SYCP1: variants seen among roughly 807,000 people sequenced by gnomAD.
SYCP1 encodes synaptonemal complex protein 1.
In SYCP1, 64 loss-of-function variants were observed where a neutral mutation model predicts 153.1. The observed-to-expected ratio is 0.42, with a 90% CI of 0.34 to 0.51. The LOEUF (loss-of-function observed/expected upper bound fraction) is 0.51, where lower values mean the gene tolerates loss of function less well. SYCP1 is among the 20% of genes least tolerant of loss of function. The pLI, the probability that SYCP1 is intolerant of heterozygous loss-of-function variation, is 0.06. For missense variants in SYCP1, 997 were observed against 1,049.0 expected, an observed-to-expected ratio of 0.95 and a Z score of 0.68; for synonymous variants, 384 against 341.8, an observed-to-expected ratio of 1.12 and a Z score of -1.36.
upstream of SYCP1, among the ~76,000 whole-genome samples, chr1:114,854,505 T>C (rs2101226506): frequency 6.6e-6 from 1 of 152,298 alleles, no homozygotes; most frequent in South Asian, 2.1e-4. Context: ...GTGGAGCTTC[T>C]CCTGACTCCC....
chr1:114,984,659 A>G, intron 29 of SYCP1, 66 bp from the exon 30 acceptor site: 1 of 1,212,810 alleles, frequency 8.2e-7, no homozygotes, highest in Non-Finnish European at 1.1e-6. Flanking sequence ...ATTATTTGTG[A>G]AACCCTTTAT....
chr1:114,982,914 C>A (rs1454114129), intron 29 of SYCP1, among the ~76,000 whole-genome samples: 1 of 152,008 alleles, frequency 6.6e-6, no homozygotes, highest in Non-Finnish European at 1.5e-5. Context: ...TGTGACTTTT[C>A]TAGACTAATT....
chr1:114,931,206 A>G (rs1039247105), intron 23 of SYCP1, among the ~76,000 whole-genome samples: 6 of 152,046 alleles, frequency 3.9e-5, no homozygotes, highest in Admixed American at 1.3e-4. Context: ...GTCAAGAGCA[A>G]TGTCTGCTCT....
intron 8 of SYCP1, 144 bp from the exon 9 acceptor site, chr1:114,874,362 G>A: frequency 2.0e-6 from 1 of 498,768 alleles, no homozygotes; most frequent in Non-Finnish European, 3.6e-6. Flanking sequence ...AACTTAAAAA[G>A]ACCCAGTAAT....
At chr1:114,961,570 G>T (rs1432529189) in intron 27 of SYCP1, among the ~76,000 whole-genome samples, 1 of 152,162 alleles carries the variant, frequency 6.6e-6, no homozygotes, top group African/African-American at 2.4e-5. Flanking sequence ...AAGAATTTAA[G>T]AATTTCCATC....
intron 23 of SYCP1, 22 bp downstream of exon 23, chr1:114,926,585 GT>G: frequency 6.4e-7 from 1 of 1,556,572 alleles, no homozygotes; most frequent in Non-Finnish European, 8.7e-7. Context: ...CTTTATTTTT[GT>G]TTTTTAAATA....
chr1:114,892,197 A>G (rs1570713276), intron 15 of SYCP1, among the ~76,000 whole-genome samples: 2 of 152,160 alleles, frequency 1.3e-5, no homozygotes, highest in South Asian at 2.1e-4. Flanking sequence ...GCCTATCTTC[A>G]GGCTTCCCAG....
At position 114,860,729 on chromosome 1, in the gene SYCP1, G is replaced by A. The variant is rs186705250; in HGVS notation, c.525-7G>A. ...TACACACAGGCAAACTCTTTCCTTT[G>A]TTTCAGGAATAATGCCACAAGGCAT... On this transcript the variant is annotated splice_polypyrimidine_tract_variant and splice_region_variant and intron_variant, in intron 7 of 31. Transcript: ENST00000369522. 1 of 1,589,600 alleles carries A rather than the reference G, an allele frequency of 6.3e-7. No individual in the cohort carries two copies. The highest frequency in any genetic ancestry group is 1.4e-5 in the African/African-American group (1 of 73,846).
rs538951235 is a variant in SYCP1 at position 114,880,397 on chromosome 1, G to T, written c.910+2195G>T. Among the ~76,000 whole-genome samples the T allele has an allele frequency of 2.6e-5, 4 of 151,992 alleles. No individual in the cohort carries two copies. The East Asian group carries it at 7.7e-4, about 29-fold the overall frequency. ...TGGGCATTTGTTGTTATCCTTTGGT[G>T]TGCCCTGTAATTTTTAAAATTAAAT... is the stretch of plus-strand genomic sequence containing the variant. On this transcript the variant is annotated intron_variant, in intron 12 of 31. Coordinates refer to ENST00000369522, the MANE Select transcript of SYCP1 (RefSeq NM_003176.4).
chr1:114,875,519 A>C (rs200577075), intron 9 of SYCP1, among the ~76,000 whole-genome samples: 82 of 152,214 alleles, frequency 5.4e-4, no homozygotes, highest in African/African-American at 2.0e-3. Flanking sequence ...TCGGCCTCCC[A>C]AAGTTCTGGG....
At chr1:114,926,687 T>A (rs948726283) in intron 23 of SYCP1, 124 bp downstream of exon 23, 1 of 789,416 alleles carries the variant, frequency 1.3e-6, no homozygotes, top group Non-Finnish European at 1.9e-6. Flanking sequence ...ATTGAAAAGT[T>A]GAAAGGTTGT....
intron 20 of SYCP1, among the ~76,000 whole-genome samples, chr1:114,920,132 T>G (rs1453956261): frequency 6.6e-6 from 1 of 152,036 alleles, no homozygotes; most frequent in East Asian, 1.9e-4. Flanking sequence ...CAAACACACC[T>G]CTTAATACTC....
intron 3 of SYCP1, 96 bp from the exon 4 acceptor site, chr1:114,857,136 C>CAAGAAAAAAAAAAAA: frequency 1.2e-5 from 3 of 242,712 alleles, no homozygotes; most frequent in South Asian, 5.2e-5. Context: ...CTCTCTCTCT[C>CAAGAAAAAAAAAAAA]AAAAAAAAAA....
chr1:114,940,167 G>T (rs1480757678), intron 23 of SYCP1, among the ~76,000 whole-genome samples: 2 of 151,926 alleles, frequency 1.3e-5, no homozygotes, highest in African/African-American at 4.8e-5. Flanking sequence ...CTGTGATCTC[G>T]GCTCACTGCA....
At chr1:114,862,766 A>G (rs1282206884) in intron 8 of SYCP1, 1 of 152,156 alleles carries the variant, frequency 6.6e-6, no homozygotes, top group African/African-American at 2.4e-5. Flanking sequence ...TTGATGTGAC[A>G]TGTAGAAAGT....
At chr1:114,857,156 A>AAAAAAAAAAG (rs774041717) in intron 3 of SYCP1, 76 bp from the exon 4 acceptor site, 106 of 921,318 alleles carry the variant, frequency 1.2e-4, no homozygotes, top group Non-Finnish European at 1.4e-4. Flanking sequence ...AAAAAAAAAA[A>AAAAAAAAAAG]AGAGAAAAAA....
intron 23 of SYCP1, among the ~76,000 whole-genome samples, chr1:114,936,412 A>T (rs917827998): frequency 6.6e-6 from 1 of 152,182 alleles, no homozygotes; most frequent in South Asian, 2.1e-4. Context: ...TCAAAATAAT[A>T]AGAGCTATTT....
At chr1:114,945,047 T>C in intron 25 of SYCP1, 65 bp downstream of exon 25, 1 of 1,148,016 alleles carries the variant, frequency 8.7e-7, no homozygotes. Flanking sequence ...TAAATAATGG[T>C]GAAATCAAGA....
rs1312684209 is a variant in SYCP1, at chr1:114,860,876, G to T, written c.598+67G>T. On this transcript the variant is annotated intron_variant, in intron 8 of 31. Coordinates refer to ENST00000369522, the MANE Select transcript of SYCP1 (RefSeq NM_003176.4). ...TTACTGGTAGAGGTGGAGAGGGAAAGAAATTGTCCTTTTAATTTTTGGAAC... is the reference window on the plus strand; with the variant it reads ...TTACTGGTAGAGGTGGAGAGGGAAATAAATTGTCCTTTTAATTTTTGGAAC... The T allele has an allele frequency of 4.1e-6, 5 of 1,224,228 alleles. No homozygotes were observed. In the East Asian group the frequency reaches 8.1e-5, roughly 20 times the overall value. The allele number at this position is 1,224,228 out of a possible 1,614,324, so 75.8% of individuals were successfully genotyped here.
Sources: allele counts gnomAD v4.1 joint callset (sites outside exome capture counted in the v4.1 genomes callset), GRCh38; gene constraint gnomAD v4.1.1; transcripts MANE v1.5; gene names NCBI Gene and HGNC (gene_info 2026-07-23, HGNC 2026-07-21).